Variants in MYO18B observed in about 807,000 individuals in gnomAD.
MYO18B encodes myosin XVIIIB, also known as unconventional myosin-XVIIIb.
A neutral mutation model predicts 273.0 loss-of-function variants in MYO18B; 204 were observed. That is an observed-to-expected ratio of 0.75 (90% CI 0.67 to 0.84). MYO18B has a LOEUF of 0.84. Ranked by LOEUF, MYO18B falls within the 40% of genes least tolerant of loss-of-function variation. The pLI is 0.00. For missense variants in MYO18B, 3,212 were observed against 3,287.6 expected (o/e 0.98, Z 0.56); for synonymous variants, 1,330 against 1,305.7 (o/e 1.02, Z -0.40).
intron 42 of MYO18B, among the ~76,000 whole-genome samples, chr22:26,023,244 T>C (rs938062525): frequency 6.6e-6 from 1 of 152,198 alleles, no homozygotes; most frequent in African/African-American, 2.4e-5. Context: ...CCACATTTCT[T>C]TGTCCTCCCT....
At chr22:25,791,705 C>G (rs1020066304) in intron 11 of MYO18B, among the ~76,000 whole-genome samples, 1 of 152,118 alleles carries the variant, frequency 6.6e-6, no homozygotes, top group Non-Finnish European at 1.5e-5. Context: ...GGCCTTGGCC[C>G]GAGGCACATT....
chr22:25,862,194 C>T (rs1428179628), intron 21 of MYO18B, among the ~76,000 whole-genome samples: 3 of 152,092 alleles, frequency 2.0e-5, no homozygotes, highest in Non-Finnish European at 4.4e-5. Context: ...ATATAAAGGA[C>T]TCATGCATCT....
intron 3 of MYO18B, among the ~76,000 whole-genome samples, chr22:25,765,461 G>T (rs777453881): frequency 1.3e-5 from 2 of 152,178 alleles, no homozygotes; most frequent in Non-Finnish European, 2.9e-5. Context: ...TTCTCCTAGG[G>T]CTACCCAGTC....
At chr22:25,977,097 T>G (rs2093098200) in intron 39 of MYO18B, among the ~76,000 whole-genome samples, 1 of 152,152 alleles carries the variant, frequency 6.6e-6, no homozygotes, top group African/African-American at 2.4e-5. Context: ...GATGTACTCA[T>G]TGGTGCCTGG....
At chr22:25,862,854 GGT>G (rs2090777369) in intron 21 of MYO18B, among the ~76,000 whole-genome samples, 1 of 149,594 alleles carries the variant, frequency 6.7e-6, no homozygotes, top group African/African-American at 2.5e-5. Context: ...TTTGGGGGGG[GGT>G]GTCAAATTTG....
chr22:25,840,961 T>C (rs2090065511), intron 17 of MYO18B, among the ~76,000 whole-genome samples: 1 of 152,178 alleles, frequency 6.6e-6, no homozygotes, highest in Non-Finnish European at 1.5e-5. Context: ...AAAGAAAAAA[T>C]AGTTCTCTTC....
chr22:25,798,363 C>G (rs190997727), intron 12 of MYO18B, among the ~76,000 whole-genome samples: 2 of 152,288 alleles, frequency 1.3e-5, no homozygotes, highest in Admixed American at 1.3e-4. Context: ...TAACCACTAG[C>G]CACAGGCTGC....
intron 39 of MYO18B, among the ~76,000 whole-genome samples, chr22:25,978,442 A>T (rs1016691735): frequency 1.3e-5 from 2 of 152,194 alleles, no homozygotes; most frequent in South Asian, 2.1e-4. Flanking sequence ...TGTGGGGTGC[A>T]AGGTGTGGGC....
In MYO18B at chr22:25,883,293, T is replaced by C. The variant is rs1178282225; in HGVS notation, c.4314+5245T>C. 2 of 152,154 alleles carry C rather than the reference T, an allele frequency of 1.3e-5. No individual in the cohort carries two copies. Among genetic ancestry groups the C allele is most frequent in the Non-Finnish European group, 2.9e-5 (2 of 68,034 alleles). The allele number at this position is 152,154 out of a possible 1,614,324, so 9.4% of individuals were successfully genotyped here. A position where few individuals can be genotyped will look rare whatever the true frequency, so the allele number is the denominator to read the frequency against. On this transcript the variant is annotated intron_variant, in intron 25 of 43. Transcript: ENST00000335473. This position sits in a 1 kb window ranked among gnomAD's most constrained non-coding sequence, Gnocchi z 7.6. ...GTCTGACCCAAGAGGAGGTTCTTGGTATGGGGGGTAGGGAGCCCTCCAGCC... is the reference window on the plus strand; with the variant it reads ...GTCTGACCCAAGAGGAGGTTCTTGGCATGGGGGGTAGGGAGCCCTCCAGCC...
At chr22:25,887,129 T>C (rs774128047) in intron 25 of MYO18B, among the ~76,000 whole-genome samples, 6 of 152,180 alleles carry the variant, frequency 3.9e-5, no homozygotes, top group Admixed American at 1.3e-4. Flanking sequence ...AGTCTATGAA[T>C]ATAAGAGCTG....
chr22:26,015,984 G>A (rs982768068), intron 42 of MYO18B, among the ~76,000 whole-genome samples: 20 of 152,252 alleles, frequency 1.3e-4, no homozygotes, highest in African/African-American at 4.6e-4. Flanking sequence ...CAGGATGGAC[G>A]CAAGGAAATA....
intron 17 of MYO18B, among the ~76,000 whole-genome samples, chr22:25,836,368 C>T (rs758614690): frequency 2.0e-5 from 3 of 151,986 alleles, no homozygotes; most frequent in South Asian, 2.1e-4. Flanking sequence ...GCTTTGTCAC[C>T]GGGGTCAAGG....
chr22:25,864,578 G>A (rs2090833561), intron 21 of MYO18B, among the ~76,000 whole-genome samples: 1 of 152,168 alleles, frequency 6.6e-6, no homozygotes, highest in South Asian at 2.1e-4. Flanking sequence ...GTTGGAGGGT[G>A]GAGAAAAGAT....
At chr22:25,887,550 GT>G (rs2091537814) in intron 25 of MYO18B, among the ~76,000 whole-genome samples, 1 of 152,124 alleles carries the variant, frequency 6.6e-6, no homozygotes, top group African/African-American at 2.4e-5. Flanking sequence ...ATAATTTCTG[GT>G]TAATTGGTTC....
chr22:25,849,654 C>T (rs1348217329), intron 20 of MYO18B, among the ~76,000 whole-genome samples: 1 of 152,168 alleles, frequency 6.6e-6, no homozygotes, highest in African/African-American at 2.4e-5. Flanking sequence ...GTAGGCACAG[C>T]TCCAACTCTG....
chr22:25,977,232 A>C (rs1055825027), intron 39 of MYO18B, among the ~76,000 whole-genome samples: 5 of 152,138 alleles, frequency 3.3e-5, no homozygotes, highest in Non-Finnish European at 7.3e-5. Flanking sequence ...AGTCATTTTA[A>C]TCATCAGTGG....
intron 10 of MYO18B, 104 bp downstream of exon 10, chr22:25,781,938 G>A: frequency 1.4e-6 from 1 of 725,492 alleles, no homozygotes; most frequent in Non-Finnish European, 2.0e-6. Flanking sequence ...AGAGGCCGTG[G>A]GACCCAGGGA....
At chr22:25,832,583 G>C (rs1224520561) in intron 15 of MYO18B, among the ~76,000 whole-genome samples, 1 of 152,180 alleles carries the variant, frequency 6.6e-6, no homozygotes, top group African/African-American at 2.4e-5. Context: ...TGAGATCAGA[G>C]GCACAGAAAG....
intron 21 of MYO18B, among the ~76,000 whole-genome samples, chr22:25,865,400 G>A (rs568358114): frequency 6.6e-6 from 1 of 152,330 alleles, no homozygotes; most frequent in East Asian, 1.9e-4. Context: ...CAGTTATGGT[G>A]GGTTGAGCAT....
Sources: gnomAD v4.1 joint callset for allele counts (sites outside exome capture counted in the v4.1 genomes callset) on GRCh38, gnomAD v4.1.1 for gene constraint, Gnocchi (gnomAD v3.1) non-coding constraint, MANE v1.5 for transcripts, NCBI Gene and HGNC (gene_info 2026-07-23, HGNC 2026-07-21) for gene names.